The following KCNMB4 variants were observed in gnomAD, a reference collection of about 807,000 sequenced individuals.
KCNMB4 encodes the protein potassium calcium-activated channel subfamily M regulatory beta subunit 4, also known as calcium-activated potassium channel subunit beta-4.
In KCNMB4, 3 loss-of-function variants were observed where a neutral mutation model predicts 20.7. The observed-to-expected ratio is 0.14, with a 90% CI of 0.07 to 0.37. KCNMB4 has a LOEUF of 0.37. KCNMB4 is among the 10% of genes least tolerant of loss of function. The pLI is 1.00. For missense variants in KCNMB4, 168 were observed against 265.9 expected (o/e 0.63, Z 2.56); for synonymous variants, 110 against 113.4 (o/e 0.97, Z 0.19).
Position 70,366,442 on chromosome 12 carries a change from G to A in KCNMB4, c.-293G>A, listed in dbSNP as rs1468550931. Reference sequence around the variant, plus strand: ...GGCTGGCAGGGGGCGCTGGAAGCTGGAGCGGTCCGTGCGCTCCCCGCGCCC... The same window carrying A: ...GGCTGGCAGGGGGCGCTGGAAGCTGAAGCGGTCCGTGCGCTCCCCGCGCCC... On this transcript the variant is annotated 5_prime_UTR_variant, in exon 1 of 3. It introduces an in-frame stop codon into an upstream open reading frame of the 5' UTR. Coordinates refer to ENST00000258111, the MANE Select transcript of KCNMB4 (RefSeq NM_014505.6). The A allele has an allele frequency of 6.6e-6, 1 of 152,098 alleles. No individual in the cohort carries two copies. Among genetic ancestry groups the A allele is most frequent in the African/African-American group, 2.4e-5 (1 of 41,332 alleles). 9.4% of individuals were successfully genotyped at this position (152,098 alleles called of 1,614,324 possible). A position where few individuals can be genotyped will look rare whatever the true frequency, so the allele number is the denominator to read the frequency against.
At chr12:70,396,963 A>G (rs1029168040) in intron 1 of KCNMB4, among the ~76,000 whole-genome samples, 1 of 152,238 alleles carries the variant, frequency 6.6e-6, no homozygotes, top group Non-Finnish European at 1.5e-5. Flanking sequence ...TTGAGAAGGA[A>G]TCTAGGGAGG....
At chr12:70,418,850 A>C (rs927023708) in intron 2 of KCNMB4, among the ~76,000 whole-genome samples, 7 of 152,190 alleles carry the variant, frequency 4.6e-5, no homozygotes, top group African/African-American at 7.2e-5. Context: ...ATCCCTGCTC[A>C]TATGCATACT....
chr12:70,420,841 G>T (rs1417953086), intron 2 of KCNMB4, among the ~76,000 whole-genome samples: 1 of 152,074 alleles, frequency 6.6e-6, no homozygotes, highest in Non-Finnish European at 1.5e-5. Context: ...GGCGGATCAT[G>T]AGGTCAAGAG....
At position 70,431,175 on chromosome 12, in the gene KCNMB4, C is replaced by T. The variant is rs759502142; in HGVS notation, c.*522C>T. On this transcript the variant is annotated 3_prime_UTR_variant, in exon 3 of 3. Transcript: ENST00000258111. Reference sequence around the variant, plus strand: ...AACCTTACTGTGTAACCCTCAGTTTCCACTATTAAAGAGTATCTTTTGACG... The same window carrying T: ...AACCTTACTGTGTAACCCTCAGTTTTCACTATTAAAGAGTATCTTTTGACG... 6.6e-6 allele frequency: 1 copy of T among 152,074 alleles called. No individual in the cohort carries two copies. Among genetic ancestry groups the T allele is most frequent in the Non-Finnish European group, 1.5e-5 (1 of 68,048 alleles). The allele number at this position is 152,074 out of a possible 1,614,324, so 9.4% of individuals were successfully genotyped here. A position where few individuals can be genotyped will look rare whatever the true frequency, so the allele number is the denominator to read the frequency against.
At chr12:70,409,728 T>G (rs930189671) in intron 2 of KCNMB4, among the ~76,000 whole-genome samples, 6 of 152,150 alleles carry the variant, frequency 3.9e-5, no homozygotes, top group Non-Finnish European at 7.4e-5. Context: ...CCAGAGGATG[T>G]TCAAGAATTA....
chr12:70,383,477 T>C (rs1166131779), intron 1 of KCNMB4, among the ~76,000 whole-genome samples: 1 of 152,016 alleles, frequency 6.6e-6, no homozygotes, highest in Admixed American at 6.6e-5. Flanking sequence ...TCCTGAAAAA[T>C]ACATGTCTTA....
intron 2 of KCNMB4, among the ~76,000 whole-genome samples, chr12:70,411,718 A>G (rs1276761819): frequency 1.3e-5 from 2 of 152,178 alleles, no homozygotes; most frequent in Non-Finnish European, 2.9e-5. Flanking sequence ...CTGAGATGGG[A>G]GGATCATTTG....
chr12:70,424,275 A>C (rs1869148491), intron 2 of KCNMB4, among the ~76,000 whole-genome samples: 1 of 152,140 alleles, frequency 6.6e-6, no homozygotes, highest in Non-Finnish European at 1.5e-5. Flanking sequence ...TTTGTTTAGC[A>C]CTTGTTGAAT....
intron 2 of KCNMB4, among the ~76,000 whole-genome samples, chr12:70,407,358 A>G (rs1339893414): frequency 6.6e-6 from 1 of 151,036 alleles, no homozygotes; most frequent in Non-Finnish European, 1.5e-5. Flanking sequence ...TGGCTATTAC[A>G]TAGGCACGAT....
At chr12:70,395,616 A>G (rs1593333294) in intron 1 of KCNMB4, among the ~76,000 whole-genome samples, 2 of 152,230 alleles carry the variant, frequency 1.3e-5, no homozygotes, top group Non-Finnish European at 2.9e-5. Context: ...ATGTTGTGTG[A>G]TGATACTGTC....
At chr12:70,395,050 A>G (rs1868339200) in intron 1 of KCNMB4, among the ~76,000 whole-genome samples, 1 of 152,088 alleles carries the variant, frequency 6.6e-6, no homozygotes, top group African/African-American at 2.4e-5. Context: ...CAAAAGTATC[A>G]CTAAAATTAC....
chr12:70,390,843 C>G (rs769300397), intron 1 of KCNMB4, among the ~76,000 whole-genome samples: 2 of 152,204 alleles, frequency 1.3e-5, no homozygotes, highest in African/African-American at 4.8e-5. Flanking sequence ...CCCCTGACCC[C>G]CATGAGCTCT....
At chr12:70,386,217 C>G (rs1050113338) in intron 1 of KCNMB4, among the ~76,000 whole-genome samples, 3 of 152,070 alleles carry the variant, frequency 2.0e-5, no homozygotes, top group African/African-American at 7.2e-5. Context: ...TCTTGTAAGT[C>G]TGAGGCATTG....
intron 1 of KCNMB4, among the ~76,000 whole-genome samples, chr12:70,386,295 G>A (rs1189562495): frequency 6.6e-6 from 1 of 152,032 alleles, no homozygotes; most frequent in African/African-American, 2.4e-5. Context: ...TGTCTTCAAA[G>A]TGGGTCTAAT....
chr12:70,395,684 G>A (rs1006124390), intron 1 of KCNMB4, among the ~76,000 whole-genome samples: 16 of 152,036 alleles, frequency 1.1e-4, no homozygotes, highest in African/African-American at 2.2e-4. Context: ...TAGCCCACTC[G>A]GTTCCATGAA....
At chr12:70,386,619 TG>T (rs1470857067) in intron 1 of KCNMB4, among the ~76,000 whole-genome samples, 2 of 149,794 alleles carry the variant, frequency 1.3e-5, no homozygotes, top group African/African-American at 4.9e-5. Flanking sequence ...TTTAAGGAGA[TG>T]GGGAAAGGTG....
chr12:70,390,311 A>G (rs753933811), intron 1 of KCNMB4, among the ~76,000 whole-genome samples: 4 of 152,330 alleles, frequency 2.6e-5, no homozygotes, highest in Non-Finnish European at 4.4e-5. Flanking sequence ...TTATTTGCCA[A>G]CAAGTCCTGC....
Position 70,366,656 on chromosome 12 carries a change from C to T in KCNMB4, c.-79C>T. On this transcript the variant is annotated 5_prime_UTR_variant, in exon 1 of 3. Transcript: ENST00000258111. Reference sequence around the variant, plus strand: ...GGCGGCGGTGGCGGCGGCGGCTCCTCCCGCCCGAGGCAGTCGGGCTCGGCG... The same window carrying T: ...GGCGGCGGTGGCGGCGGCGGCTCCTTCCGCCCGAGGCAGTCGGGCTCGGCG... 8.9e-7 allele frequency: 1 copy of T among 1,120,174 alleles called. No individual in the cohort carries two copies. Among genetic ancestry groups the T allele is most frequent in the Non-Finnish European group, 1.1e-6 (1 of 892,610 alleles). 69.4% of individuals were successfully genotyped at this position (1,120,174 alleles called of 1,614,324 possible).
intron 2 of KCNMB4, among the ~76,000 whole-genome samples, chr12:70,404,512 A>C (rs1868541478): frequency 6.6e-6 from 1 of 152,256 alleles, no homozygotes; most frequent in Non-Finnish European, 1.5e-5. Context: ...TCTCCAGTGC[A>C]CACAACTGTT....
Sources: gnomAD v4.1 joint callset for allele counts (sites outside exome capture counted in the v4.1 genomes callset) on GRCh38, gnomAD v4.1.1 for gene constraint, MANE v1.5 for transcripts, NCBI Gene and HGNC (gene_info 2026-07-23, HGNC 2026-07-21) for gene names.